The following PAM variants were observed in gnomAD, a reference collection of about 807,000 sequenced individuals.
PAM encodes peptidylglycine alpha-amidating monooxygenase.
In PAM, 72 loss-of-function variants were observed where a neutral mutation model predicts 122.1. That is an observed-to-expected ratio of 0.59 (90% CI 0.49 to 0.72). The LOEUF (loss-of-function observed/expected upper bound fraction) is 0.72. Ranked by LOEUF, PAM falls within the 30% of genes least tolerant of loss-of-function variation. The probability of loss-of-function intolerance (pLI) is 0.00; values close to 1 mark genes in which losing one functional copy is unlikely to be tolerated. For missense variants in PAM, 1,106 were observed against 1,183.7 expected (o/e 0.93, Z 0.96); for synonymous variants, 389 against 404.4 (o/e 0.96, Z 0.46).
chr5:103,017,379 G>A lies in PAM; in HGVS notation c.2377G>A (p.Val793Met). Residue 793 changes from valine (V) to methionine (M), a missense_variant, in exon 22 of 26, where the codon GTG becomes ATG. Val to Met is a conservative substitution (Grantham distance 21). Transcript: ENST00000438793. The part of the protein sequence containing the change: ...HDIVASEDGT[V>M]YIGDAHTNTV... ...TATTGTTGCATCTGAAGATGGGACT[G>A]TGTACATTGGAGATGCTCATACCAA... 1 of 1,612,578 alleles carries A rather than the reference G, an allele frequency of 6.2e-7. No homozygotes were observed. Among genetic ancestry groups the A allele is most frequent in the Non-Finnish European group, 8.5e-7 (1 of 1,178,694 alleles).
intron 1 of PAM, among the ~76,000 whole-genome samples, chr5:102,761,911 T>G (rs1752466541): frequency 6.6e-6 from 1 of 152,232 alleles, no homozygotes; most frequent in Non-Finnish European, 1.5e-5. Context: ...AACAAATCCT[T>G]ATTTTCATAG....
intron 1 of PAM, among the ~76,000 whole-genome samples, chr5:102,810,134 G>C (rs1767463306): frequency 6.6e-6 from 1 of 152,172 alleles, no homozygotes; most frequent in South Asian, 2.1e-4. Flanking sequence ...TCTTTGCCAT[G>C]TTAATGTGTG....
At chr5:102,886,209 G>A (rs930948098) in intron 3 of PAM, among the ~76,000 whole-genome samples, 2 of 152,000 alleles carry the variant, frequency 1.3e-5, no homozygotes, top group African/African-American at 4.8e-5. Flanking sequence ...CATTTATTAT[G>A]AAGGATAACA....
chr5:102,948,177 T>G (rs1022618402), intron 8 of PAM, among the ~76,000 whole-genome samples: 1 of 152,168 alleles, frequency 6.6e-6, no homozygotes, highest in African/African-American at 2.4e-5. Context: ...CACGTAAAGT[T>G]AGCTATCACA....
intron 14 of PAM, among the ~76,000 whole-genome samples, chr5:102,965,538 A>G (rs546951281): frequency 5.9e-4 from 90 of 152,084 alleles, no homozygotes; most frequent in African/African-American, 1.9e-3. Context: ...AAAATCTATA[A>G]TAACAGTATG....
At chr5:102,889,655 T>C (rs1794182731) in intron 3 of PAM, among the ~76,000 whole-genome samples, 1 of 151,980 alleles carries the variant, frequency 6.6e-6, no homozygotes, top group African/African-American at 2.4e-5. Flanking sequence ...AGTGTGGTTA[T>C]GGAAGGAATA....
chr5:102,822,386 G>A (rs1342138648), intron 1 of PAM, among the ~76,000 whole-genome samples: 3 of 151,982 alleles, frequency 2.0e-5, no homozygotes, highest in African/African-American at 7.3e-5. Context: ...TCCCACCGAC[G>A]AGCACATACA....
chr5:102,847,932 A>T (rs912238382), intron 1 of PAM, among the ~76,000 whole-genome samples: 12 of 152,172 alleles, frequency 7.9e-5, no homozygotes. Context: ...GCATGGTGAA[A>T]ATATTATTGA....
At position 103,006,947 on chromosome 5, in the gene PAM, T is replaced by G; in HGVS notation, c.1950T>G (p.Gly650=). The G allele has an allele frequency of 6.2e-7, 1 of 1,613,972 alleles. No homozygotes were observed. Among genetic ancestry groups the G allele is most frequent in the Non-Finnish European group, 8.5e-7 (1 of 1,179,918 alleles). The change falls in exon 19 of 26, where the codon GGT becomes GGG. Residue 650 remains glycine, a synonymous_variant. Transcript: ENST00000438793. ...CTGGAGCCATTTATGTATCAGATGGTTACTGCAACAGCAGGATTGTGCAGT... is the reference window on the plus strand; with the variant it reads ...CTGGAGCCATTTATGTATCAGATGGGTACTGCAACAGCAGGATTGTGCAGT... ...PGTGAIYVSD[G]YCNSRIVQFS...
intron 1 of PAM, among the ~76,000 whole-genome samples, chr5:102,832,267 T>C (rs907161072): frequency 1.3e-5 from 2 of 152,120 alleles, no homozygotes; most frequent in Admixed American, 1.3e-4. Flanking sequence ...AGATTTGACA[T>C]TGATCGTACC....
At chr5:102,812,838 TAAATA>T in intron 1 of PAM, among the ~76,000 whole-genome samples, 1 of 152,252 alleles carries the variant, frequency 6.6e-6, no homozygotes, top group Middle Eastern at 3.4e-3. Context: ...AATACCTCCA[TAAATA>T]AAATATACAT....
chr5:102,755,940 A>G (rs888801), intron 1 of PAM, among the ~76,000 whole-genome samples: 4,361 of 152,000 alleles, frequency 0.029, 110 homozygotes, highest in East Asian at 0.14. Context: ...CAGCCTCCGA[A>G]TGTAATACGC....
At chr5:102,895,700 C>T (rs1488630676) in intron 3 of PAM, among the ~76,000 whole-genome samples, 1 of 151,726 alleles carries the variant, frequency 6.6e-6, no homozygotes, top group Non-Finnish European at 1.5e-5. Flanking sequence ...GAGCTTCTCT[C>T]CTATGAAGCT....
Position 102,990,407 on chromosome 5 carries a change from T to C in PAM, c.1613+6T>C. On this transcript the variant is annotated splice_donor_region_variant and intron_variant, in intron 16 of 25. Transcript: ENST00000438793. ...GACCATGTCTGGGATGGAAAGTAAGTAATATTTTTTCTTCAATAAGCAAAT... is the reference window on the plus strand; with the variant it reads ...GACCATGTCTGGGATGGAAAGTAAGCAATATTTTTTCTTCAATAAGCAAAT... 1 of 1,567,348 alleles carries C rather than the reference T, an allele frequency of 6.4e-7. No homozygotes were observed. Among genetic ancestry groups the C allele is most frequent in the Non-Finnish European group, 8.7e-7 (1 of 1,152,528 alleles).
At chr5:102,784,711 A>T (rs769188037) in intron 1 of PAM, among the ~76,000 whole-genome samples, 7 of 152,256 alleles carry the variant, frequency 4.6e-5, no homozygotes, top group Admixed American at 2.0e-4. Context: ...TATGTGAAAC[A>T]TGACTTTGTG....
intron 21 of PAM, among the ~76,000 whole-genome samples, chr5:103,010,725 C>T (rs1020934024): frequency 6.6e-6 from 1 of 151,978 alleles, no homozygotes; most frequent in Non-Finnish European, 1.5e-5. Context: ...ACCAGATTTG[C>T]TAATTTAAAA....
intron 1 of PAM, among the ~76,000 whole-genome samples, chr5:102,756,677 A>C (rs1750431532): frequency 6.6e-6 from 1 of 152,162 alleles, no homozygotes; most frequent in African/African-American, 2.4e-5. Flanking sequence ...TGGCCTAAAA[A>C]ATCAGCTTTA....
intron 21 of PAM, among the ~76,000 whole-genome samples, chr5:103,011,590 G>C (rs1158643333): frequency 6.6e-6 from 1 of 152,144 alleles, no homozygotes; most frequent in Non-Finnish European, 1.5e-5. Flanking sequence ...GCAAATGACA[G>C]AGTCTTATTC....
chr5:103,028,267 A>G, intron 25 of PAM, 29 bp downstream of exon 25: 1 of 1,499,246 alleles, frequency 6.7e-7, no homozygotes, highest in Non-Finnish European at 9.3e-7. Flanking sequence ...AGAACCCTTC[A>G]TGTTTGGTTC....
Sources: allele counts gnomAD v4.1 joint callset (sites outside exome capture counted in the v4.1 genomes callset), GRCh38; gene constraint gnomAD v4.1.1; transcripts MANE v1.5; gene names NCBI Gene and HGNC (gene_info 2026-07-23, HGNC 2026-07-21).